PPFIBP2: variants seen among roughly 807,000 people sequenced by gnomAD.
The protein encoded by PPFIBP2 is PPFIB scaffold protein 2, also known as liprin-beta-2.
A neutral mutation model predicts 118.3 loss-of-function variants in PPFIBP2; 118 were observed. That is an observed-to-expected ratio of 1.00 (90% confidence interval 0.86 to 1.16). PPFIBP2 has a LOEUF of 1.16. Among genes scored for constraint, PPFIBP2 ranks in the 50% most tolerant of loss-of-function variants. The pLI, the probability that PPFIBP2 is intolerant of heterozygous loss-of-function variation, is 0.00. For synonymous variants in PPFIBP2, 414 were observed against 397.4 expected (o/e 1.04, Z -0.50); for missense variants, 1,195 against 1,073.1 (o/e 1.11, Z -1.59).
At chr11:7,640,799 G>GT (rs1852072849) in intron 15 of PPFIBP2, among the ~76,000 whole-genome samples, 2 of 152,174 alleles carry the variant, frequency 1.3e-5, no homozygotes, top group African/African-American at 4.8e-5. Context: ...ACCTCAGCCT[G>GT]TCACAAAGGG....
intron 2 of PPFIBP2, among the ~76,000 whole-genome samples, chr11:7,552,522 A>G (rs58809711): frequency 0.098 from 14,933 of 152,154 alleles, 849 homozygotes; most frequent in African/African-American, 0.15. Flanking sequence ...TGCTCTCTGC[A>G]TCTGTTCTTG....
At chr11:7,559,794 C>G (rs1391404139) in intron 2 of PPFIBP2, among the ~76,000 whole-genome samples, 2 of 152,118 alleles carry the variant, frequency 1.3e-5, no homozygotes, top group African/African-American at 2.4e-5. Flanking sequence ...AATCTCGGTT[C>G]CTCCCTATAT....
chr11:7,627,423 A>T (rs944617824), intron 8 of PPFIBP2, among the ~76,000 whole-genome samples: 2 of 152,142 alleles, frequency 1.3e-5, no homozygotes, highest in Admixed American at 6.5e-5. Context: ...CCCAAAAGAA[A>T]ATGGGAGGCC....
chr11:7,612,552 A>G (rs1314782641), intron 6 of PPFIBP2, among the ~76,000 whole-genome samples: 1 of 152,186 alleles, frequency 6.6e-6, no homozygotes, highest in African/African-American at 2.4e-5. Flanking sequence ...TAATGCAGTC[A>G]TTTTACTGTT....
At chr11:7,627,272 G>A (rs1346052721) in intron 8 of PPFIBP2, among the ~76,000 whole-genome samples, 1 of 152,224 alleles carries the variant, frequency 6.6e-6, no homozygotes, top group African/African-American at 2.4e-5. Flanking sequence ...AGCAAAGTGA[G>A]CTGCAGAGCT....
rs771393522 is a variant in PPFIBP2, at chr11:7,653,271, T to A, written c.*53T>A. ...CCTGAGAGCTCACAGTAACACTGTG[T>A]GTGTCACCATATAACTGCACCTCAC... is the stretch of plus-strand genomic sequence containing the variant. On this transcript the variant is annotated 3_prime_UTR_variant, in exon 24 of 24. Coordinates refer to ENST00000299492, the MANE Select transcript of PPFIBP2 (RefSeq NM_003621.5). The A allele has an allele frequency of 3.7e-6, 6 of 1,608,368 alleles. No individual in the cohort carries two copies. In the East Asian group the frequency reaches 1.3e-4, roughly 36 times the overall value.
chr11:7,659,554 T>C (rs1854847687), downstream of PPFIBP2, among the ~76,000 whole-genome samples: 2 of 148,704 alleles, frequency 1.3e-5, no homozygotes, highest in African/African-American at 4.9e-5. Context: ...ACTGTAGCCT[T>C]GTAGTATAGT....
intron 7 of PPFIBP2, among the ~76,000 whole-genome samples, chr11:7,623,364 C>G (rs1420190766): frequency 6.6e-6 from 1 of 152,222 alleles, no homozygotes; most frequent in African/African-American, 2.4e-5. Context: ...TTGTGCCACA[C>G]AGCCCTAGCC....
intron 21 of PPFIBP2, among the ~76,000 whole-genome samples, chr11:7,650,094 G>A (rs1853757201): frequency 6.6e-6 from 1 of 152,126 alleles, no homozygotes; most frequent in African/African-American, 2.4e-5. Context: ...CCAGGTACAG[G>A]GGATCCATGA....
the PPFIBP2 span, among the ~76,000 whole-genome samples, chr11:7,664,281 G>A: frequency 8.0e-4 from 122 of 152,268 alleles, no homozygotes; most frequent in East Asian, 4.1e-3. Context: ...CAGGTATGCC[G>A]GAGAGGAAGG....
chr11:7,641,255 G>C (rs909949660), intron 15 of PPFIBP2, among the ~76,000 whole-genome samples: 2 of 152,176 alleles, frequency 1.3e-5, no homozygotes, highest in Admixed American at 1.3e-4. Context: ...TAAAATTAAA[G>C]ACATTAGCTC....
At chr11:7,599,112 T>A (rs908454124) in intron 5 of PPFIBP2, among the ~76,000 whole-genome samples, 7 of 151,966 alleles carry the variant, frequency 4.6e-5, no homozygotes, top group South Asian at 4.2e-4. Context: ...TTTTTTTTTT[T>A]AATTGAATCT....
chr11:7,627,040 G>A (rs1454294803), intron 8 of PPFIBP2, among the ~76,000 whole-genome samples: 1 of 152,214 alleles, frequency 6.6e-6, no homozygotes, highest in Non-Finnish European at 1.5e-5. Context: ...GACTATCTCT[G>A]ATGCTAAGCC....
At chr11:7,639,497 CA>C (rs1851853672) in intron 14 of PPFIBP2, among the ~76,000 whole-genome samples, 1 of 152,204 alleles carries the variant, frequency 6.6e-6, no homozygotes, top group African/African-American at 2.4e-5. Flanking sequence ...CAGTCAGCCC[CA>C]GATTTGCACT....
chr11:7,577,397 CTGTGTCGCTG>C (rs1856584050), intron 3 of PPFIBP2: 1 of 365,516 alleles, frequency 2.7e-6, no homozygotes, highest in South Asian at 2.0e-5. Flanking sequence ...ACGGTCTGCT[CTGTGTCGCTG>C]TGTGTCTGAA....
At chr11:7,557,264 T>G (rs11821352) in intron 2 of PPFIBP2, among the ~76,000 whole-genome samples, 39,435 of 151,696 alleles carry the variant, frequency 0.26, 5,359 homozygotes, top group African/African-American at 0.32. Flanking sequence ...TTTTTCAGAT[T>G]TTCCTATTTT....
the PPFIBP2 span, chr11:7,665,272 G>C: frequency 1.9e-6 from 2 of 1,061,460 alleles, no homozygotes; most frequent in Non-Finnish European, 2.7e-6. Flanking sequence ...GAAGGTACAT[G>C]GCAAGGCACT....
chr11:7,641,792 G>C, intron 16 of PPFIBP2, 172 bp downstream of exon 16: 2 of 710,044 alleles, frequency 2.8e-6, no homozygotes, highest in Non-Finnish European at 4.6e-6. Flanking sequence ...AGAAGGAGAA[G>C]TATGAAAGAC....
At chr11:7,653,909 C>G (rs1854436379), downstream of PPFIBP2, 1 of 741,098 alleles carries the variant, frequency 1.3e-6, no homozygotes, top group South Asian at 2.0e-5. Context: ...GGGGGTAGAG[C>G]AAGGCGGGAC....
Sources: gnomAD v4.1 joint callset for allele counts (sites outside exome capture counted in the v4.1 genomes callset) on GRCh38, gnomAD v4.1.1 for gene constraint, MANE v1.5 for transcripts, NCBI Gene and HGNC (gene_info 2026-07-23, HGNC 2026-07-21) for gene names.